DOCK3: variants seen among roughly 807,000 people sequenced by gnomAD.
The protein encoded by DOCK3 is dedicator of cytokinesis 3.
A neutral mutation model predicts 265.6 loss-of-function variants in DOCK3; 60 were observed. The observed-to-expected ratio is 0.23, with a 90% CI of 0.18 to 0.28. The LOEUF (loss-of-function observed/expected upper bound fraction) is 0.28, where lower values mean the gene tolerates loss of function less well. Ranked by LOEUF, DOCK3 falls within the 10% of genes least tolerant of loss-of-function variation. The probability of loss-of-function intolerance (pLI) is 1.00; values close to 1 mark genes in which losing one functional copy is unlikely to be tolerated. For missense variants in DOCK3, 1,981 were observed against 2,594.3 expected (o/e 0.76, Z 5.14); for synonymous variants, 881 against 938.0 (o/e 0.94, Z 1.11).
intron 5 of DOCK3, among the ~76,000 whole-genome samples, chr3:50,948,476 T>C (rs753721334): frequency 7.7e-5 from 11 of 143,556 alleles, no homozygotes; most frequent in Non-Finnish European, 1.5e-4. Flanking sequence ...AAATCATAGC[T>C]CACTGTAAGC....
At chr3:51,233,785 G>A (rs1194573077) in intron 19 of DOCK3, among the ~76,000 whole-genome samples, 3 of 152,138 alleles carry the variant, frequency 2.0e-5, no homozygotes, top group Non-Finnish European at 4.4e-5. Flanking sequence ...TCTTGATTTG[G>A]CTTTCAGCTT....
intron 10 of DOCK3, among the ~76,000 whole-genome samples, chr3:51,152,565 A>G (rs142224834): frequency 5.3e-5 from 8 of 152,214 alleles, no homozygotes; most frequent in Admixed American, 3.9e-4. Context: ...CCTTTGGAGG[A>G]GAAGAGGTGC....
chr3:51,063,994 T>C (rs1322811255), intron 5 of DOCK3, among the ~76,000 whole-genome samples: 2 of 152,226 alleles, frequency 1.3e-5, no homozygotes, highest in African/African-American at 2.4e-5. Flanking sequence ...ATTGAAACAT[T>C]AGTTGCTTCA....
intron 27 of DOCK3, among the ~76,000 whole-genome samples, chr3:51,281,256 C>T (rs547774684): frequency 3.6e-5 from 5 of 137,662 alleles, no homozygotes; most frequent in Admixed American, 2.2e-4. Flanking sequence ...CTAACACTAA[C>T]GATAGCTGAT....
At chr3:51,030,420 A>G (rs1237829601) in intron 5 of DOCK3, among the ~76,000 whole-genome samples, 1 of 152,092 alleles carries the variant, frequency 6.6e-6, no homozygotes, top group African/African-American at 2.4e-5. Context: ...TCCCCTGGCT[A>G]TTTGAGTAAG....
intron 12 of DOCK3, among the ~76,000 whole-genome samples, chr3:51,196,367 A>G (rs1218121651): frequency 6.6e-6 from 1 of 152,148 alleles, no homozygotes; most frequent in Non-Finnish European, 1.5e-5. Flanking sequence ...GTCTAACTAT[A>G]ATGTGCTGTG....
intron 9 of DOCK3, among the ~76,000 whole-genome samples, chr3:51,120,632 G>C (rs1250054175): frequency 4.6e-5 from 7 of 152,164 alleles, no homozygotes; most frequent in Non-Finnish European, 1.0e-4. Context: ...CCCTGACTGG[G>C]GCTGCTGCCT....
intron 27 of DOCK3, among the ~76,000 whole-genome samples, chr3:51,291,959 ATG>A (rs1437365234): frequency 1.3e-5 from 2 of 152,240 alleles, no homozygotes; most frequent in East Asian, 3.8e-4. Context: ...AGATCAATAA[ATG>A]TGATTCACCA....
At chr3:51,375,199 T>C (rs2088008309) in intron 50 of DOCK3, among the ~76,000 whole-genome samples, 1 of 152,206 alleles carries the variant, frequency 6.6e-6, no homozygotes, top group African/African-American at 2.4e-5. Context: ...TTACCTAGCC[T>C]CAGAATGCCA....
chr3:50,766,493 G>A (rs570657895), intron 1 of DOCK3, among the ~76,000 whole-genome samples: 1 of 152,104 alleles, frequency 6.6e-6, no homozygotes, highest in South Asian at 2.1e-4. Flanking sequence ...TGGTGTATAT[G>A]TGCCACATTT....
At chr3:50,980,263 T>G (rs2077641641) in intron 5 of DOCK3, among the ~76,000 whole-genome samples, 1 of 152,222 alleles carries the variant, frequency 6.6e-6, no homozygotes, top group African/African-American at 2.4e-5. Context: ...TCACATTTAT[T>G]GGCTTGCAGA....
intron 10 of DOCK3, among the ~76,000 whole-genome samples, chr3:51,155,809 A>G (rs2085819663): frequency 6.6e-6 from 1 of 152,206 alleles, no homozygotes; most frequent in Middle Eastern, 3.2e-3. Flanking sequence ...ATGGCTCTAT[A>G]TACAAATGTG....
chr3:51,369,207 G>C (rs2087490289), intron 49 of DOCK3, among the ~76,000 whole-genome samples: 1 of 152,264 alleles, frequency 6.6e-6, no homozygotes, highest in Admixed American at 6.5e-5. Context: ...CAAGTTGAGA[G>C]AAGAAGGCTT....
At chr3:50,997,297 T>C (rs1187116359) in intron 5 of DOCK3, among the ~76,000 whole-genome samples, 1 of 152,188 alleles carries the variant, frequency 6.6e-6, no homozygotes, top group Non-Finnish European at 1.5e-5. Flanking sequence ...TTGTCTAGTA[T>C]ATATTAAATA....
intron 31 of DOCK3, 143 bp from the exon 32 acceptor site, chr3:51,314,837 G>C (rs1463885504): frequency 1.0e-6 from 1 of 1,000,078 alleles, no homozygotes; most frequent in Non-Finnish European, 1.3e-6. Flanking sequence ...TTGAGGGAGA[G>C]TACCTCAGAA....
At chr3:51,037,302 T>A (rs573015897) in intron 5 of DOCK3, among the ~76,000 whole-genome samples, 35 of 151,086 alleles carry the variant, frequency 2.3e-4, no homozygotes, top group South Asian at 1.7e-3. Flanking sequence ...TTATTTAAAA[T>A]TTTTTTTTAA....
At chr3:51,119,895 A>AT (rs559430124) in intron 9 of DOCK3, among the ~76,000 whole-genome samples, 11 of 152,130 alleles carry the variant, frequency 7.2e-5, no homozygotes, top group African/African-American at 2.6e-4. Flanking sequence ...GCTTCCTTGC[A>AT]TTGGGTTAGA....
chr3:50,681,324 G>A (rs2034392820), intron 1 of DOCK3, among the ~76,000 whole-genome samples: 1 of 152,100 alleles, frequency 6.6e-6, no homozygotes. Flanking sequence ...TTACATTGGT[G>A]CTAAATTTTA....
intron 51 of DOCK3, among the ~76,000 whole-genome samples, chr3:51,377,180 T>C (rs1008714271): frequency 2.6e-5 from 4 of 152,228 alleles, no homozygotes; most frequent in African/African-American, 9.6e-5. Context: ...GAGCTGGACA[T>C]GCCCACCCCT....
Sources: allele counts gnomAD v4.1 joint callset (sites outside exome capture counted in the v4.1 genomes callset), GRCh38; gene constraint gnomAD v4.1.1; transcripts MANE v1.5; gene names NCBI Gene and HGNC (gene_info 2026-07-23, HGNC 2026-07-21).